Variants in H6PD observed in about 807,000 individuals in gnomAD.
H6PD encodes the protein GDH/6PGL endoplasmic bifunctional protein.
Under a neutral mutation model 61.2 loss-of-function variants are expected in H6PD, and 48 were observed. The observed-to-expected ratio is 0.78, with a 90% confidence interval of 0.62 to 1.00. The LOEUF (loss-of-function observed/expected upper bound fraction) is 1.00, where lower values mean the gene tolerates loss of function less well. H6PD is among the 50% of genes least tolerant of loss of function. H6PD has a pLI of 0.00. For synonymous variants in H6PD, 480 were observed against 457.9 expected (o/e 1.05, Z -0.62); for missense variants, 1,093 against 1,065.0 (o/e 1.03, Z -0.37).
At chr1:9,253,159 C>T (rs1641419695) in intron 3 of H6PD, among the ~76,000 whole-genome samples, 1 of 152,162 alleles carries the variant, frequency 6.6e-6, no homozygotes, top group Admixed American at 6.5e-5. Flanking sequence ...CTGCATTAAA[C>T]TCTGAAAAGA....
At chr1:9,248,610 A>G (rs1204513971) in intron 3 of H6PD, among the ~76,000 whole-genome samples, 1 of 143,970 alleles carries the variant, frequency 6.9e-6, no homozygotes, top group East Asian at 2.2e-4. Context: ...CAGCCTGGGG[A>G]GCATAGTGAG....
intron 3 of H6PD, among the ~76,000 whole-genome samples, chr1:9,258,365 GT>G (rs1200603874): frequency 6.6e-6 from 1 of 152,146 alleles, no homozygotes; most frequent in African/African-American, 2.4e-5. Context: ...TTATGTTGTT[GT>G]TACACTGGTG....
intron 1 of H6PD, among the ~76,000 whole-genome samples, chr1:9,242,132 CGT>C (rs925801851): frequency 2.0e-5 from 3 of 152,156 alleles, no homozygotes; most frequent in Non-Finnish European, 4.4e-5. Flanking sequence ...GCGAGGACCG[CGT>C]GTTTGTTCTG....
intron 3 of H6PD, among the ~76,000 whole-genome samples, chr1:9,257,741 G>A (rs1484919243): frequency 6.6e-6 from 1 of 152,228 alleles, no homozygotes; most frequent in Non-Finnish European, 1.5e-5. Context: ...AGCCCTTAAG[G>A]ATGACTGGGA....
At chr1:9,253,507 G>C (rs1641430854) in intron 3 of H6PD, among the ~76,000 whole-genome samples, 1 of 151,854 alleles carries the variant, frequency 6.6e-6, no homozygotes, top group African/African-American at 2.4e-5. Context: ...TTTCATATTT[G>C]GACGTCTCTG....
intron 1 of H6PD, among the ~76,000 whole-genome samples, chr1:9,236,594 C>T (rs538104823): frequency 6.6e-5 from 10 of 150,950 alleles, no homozygotes; most frequent in African/African-American, 1.7e-4. Flanking sequence ...GCCCTGCCTC[C>T]GGTGACGGAG....
rs1349995346 is a variant in H6PD at position 9,245,555 on chromosome 1, C to T, written c.621C>T (p.Gly207=). The T allele has an allele frequency of 6.2e-7, 1 of 1,614,100 alleles. No individual in the cohort carries two copies. The highest frequency in any genetic ancestry group is 1.3e-5 in the African/African-American group (1 of 75,048). Residue 207 remains glycine, a synonymous_variant, in exon 2 of 5, where the codon GGC becomes GGT. Transcript: ENST00000377403. The surrounding 1 kb of genome is among the most constrained non-coding windows in gnomAD (Gnocchi z 4.8). ...TGTACCGGGTGGACCATTACTTAGG[C>T]AAGCAGGTGAGCATCAGCATGGAGC... ...EEMYRVDHYL[G]KQAVAQILPF...
chr1:9,246,893 C>T, intron 2 of H6PD, 73 bp from the exon 3 acceptor site: 1 of 1,043,498 alleles, frequency 9.6e-7, no homozygotes, highest in Non-Finnish European at 1.5e-6. Flanking sequence ...GGTCAGAGCC[C>T]TTCCCGGGAG....
chr1:9,246,367 T>A (rs1304284863), intron 2 of H6PD, among the ~76,000 whole-genome samples: 1 of 152,234 alleles, frequency 6.6e-6, no homozygotes, highest in Non-Finnish European at 1.5e-5. Flanking sequence ...TGGGTTAACC[T>A]CCTGGGTGAC....
chr1:9,237,279 C>G (rs1640879713), intron 1 of H6PD, among the ~76,000 whole-genome samples: 1 of 99,292 alleles, frequency 1.0e-5, no homozygotes, highest in Non-Finnish European at 1.9e-5. Flanking sequence ...GAGTCTTGCT[C>G]TGTTGCCCAG....
At chr1:9,251,293 G>T (rs1276139338) in intron 3 of H6PD, among the ~76,000 whole-genome samples, 1 of 152,150 alleles carries the variant, frequency 6.6e-6, no homozygotes, top group Non-Finnish European at 1.5e-5. Flanking sequence ...CTGAGGTCTT[G>T]GCACCTCAGA....
In H6PD at chr1:9,237,236, CTTTTTTTTTT is replaced by C. The variant is rs370751354; in HGVS notation, c.-11+2187_-11+2196del. Among the ~76,000 whole-genome samples, 24 of 71,076 alleles carry C rather than the reference CTTTTTTTTTT, an allele frequency of 3.4e-4. 1 individual carries two copies. The highest frequency in any genetic ancestry group is 0.011 in the Middle Eastern group (1 of 94). The allele number at this position is 71,076 out of a possible 152,430, so 46.6% of individuals were successfully genotyped here. A position where few individuals can be genotyped will look rare whatever the true frequency, so the allele number is the denominator to read the frequency against. Reference sequence around the variant, plus strand: ...ACCTTTGGTAAGTTATTTGACTTCTCTTTTTTTTTTTTTTTTTTTTTTTTTTGAGATGGAG... The same window carrying C: ...ACCTTTGGTAAGTTATTTGACTTCTCTTTTTTTTTTTTTTTTGAGATGGAG... On this transcript the variant is annotated intron_variant, in intron 1 of 4. Transcript: ENST00000377403.
In H6PD at chr1:9,265,202, C is replaced by T. The variant is rs1423735262; in HGVS notation, c.*333C>T. Reference sequence around the variant, plus strand: ...ACACGGGATGGCGCCCAAACTCCGGCGTTCACAAGAGGAGACGTGACGTGG... The same window carrying T: ...ACACGGGATGGCGCCCAAACTCCGGTGTTCACAAGAGGAGACGTGACGTGG... On this transcript the variant is annotated 3_prime_UTR_variant, in exon 5 of 5. Transcript: ENST00000377403. 2.3e-6 allele frequency: 1 copy of T among 429,268 alleles called. No individual in the cohort carries two copies. Among genetic ancestry groups the T allele is most frequent in the Non-Finnish European group, 4.4e-6 (1 of 228,864 alleles). 26.6% of individuals were successfully genotyped at this position (429,268 alleles called of 1,614,324 possible). A position where few individuals can be genotyped will look rare whatever the true frequency, so the allele number is the denominator to read the frequency against.
chr1:9,250,566 C>G (rs554264925), intron 3 of H6PD, among the ~76,000 whole-genome samples: 3 of 152,074 alleles, frequency 2.0e-5, no homozygotes, highest in Non-Finnish European at 2.9e-5. Context: ...CCCTCACTCC[C>G]TACCCTGTCC....
rs868473220 is a variant in H6PD, at chr1:9,265,296, C to G, written c.*427C>G. 34 of 349,230 alleles carry G rather than the reference C, an allele frequency of 9.7e-5. No individual in the cohort carries two copies. The highest frequency in any genetic ancestry group is 7.8e-4 in the South Asian group (34 of 43,576). 21.6% of individuals were successfully genotyped at this position (349,230 alleles called of 1,614,324 possible). A position where few individuals can be genotyped will look rare whatever the true frequency, so the allele number is the denominator to read the frequency against. Reference sequence around the variant, plus strand: ...CTTGAACTGGCTCCCGGGGAACATTCAGAGCATGATTGGTAGACAGAAGGG... The same window carrying G: ...CTTGAACTGGCTCCCGGGGAACATTGAGAGCATGATTGGTAGACAGAAGGG... On this transcript the variant is annotated 3_prime_UTR_variant, in exon 5 of 5. Transcript: ENST00000377403.
At chr1:9,248,007 G>A (rs529446997) in intron 3 of H6PD, among the ~76,000 whole-genome samples, 6 of 152,340 alleles carry the variant, frequency 3.9e-5, no homozygotes, top group Admixed American at 6.5e-5. Context: ...AGATGGTGGC[G>A]AGCCCACAGC....
At position 9,263,371 on chromosome 1, in the gene H6PD, C is replaced by T. The variant is rs911919149; in HGVS notation, c.1016-138C>T. On this transcript the variant is annotated intron_variant, in intron 4 of 4. Coordinates refer to ENST00000377403, the MANE Select transcript of H6PD (RefSeq NM_004285.4). ...AGAAGGTCATGGAAGAGATGCCAGG[C>T]GAGGGGTGAGCATGGCAAGGCGAGG... is the stretch of plus-strand genomic sequence containing the variant. 1.9e-4 allele frequency: 157 copies of T among 812,194 alleles called. 3 individuals carry two copies. The highest frequency in any genetic ancestry group is 1.8e-3 in the South Asian group (132 of 73,028). 50.3% of individuals were successfully genotyped at this position (812,194 alleles called of 1,614,324 possible).
At chr1:9,242,908 C>T (rs1010078801) in intron 1 of H6PD, 37 of 985,288 alleles carry the variant, frequency 3.8e-5, no homozygotes, top group South Asian at 9.4e-5. Context: ...GAGGAAAAAA[C>T]GCTTGAAGGG....
chr1:9,236,342 G>A (rs867670031), intron 1 of H6PD, among the ~76,000 whole-genome samples: 4 of 152,246 alleles, frequency 2.6e-5, no homozygotes, highest in Middle Eastern at 3.4e-3. Flanking sequence ...GACTTCATTC[G>A]TGAAGCTAAT....
Sources: allele counts gnomAD v4.1 joint callset (sites outside exome capture counted in the v4.1 genomes callset), GRCh38; gene constraint gnomAD v4.1.1; non-coding constraint Gnocchi (gnomAD v3.1); transcripts MANE v1.5; gene names NCBI Gene and HGNC (gene_info 2026-07-23, HGNC 2026-07-21).